The following FRMD4A variants were observed in gnomAD, a reference collection of about 807,000 sequenced individuals.
FRMD4A encodes FERM domain containing 4A, also known as FERM domain-containing protein 4A.
A neutral mutation model predicts 129.1 loss-of-function variants in FRMD4A; 29 were observed. The ratio of observed to expected loss-of-function variants is 0.22; its 90% CI spans 0.17 to 0.31. FRMD4A has a LOEUF of 0.31. Ranked by LOEUF, FRMD4A falls within the 10% of genes least tolerant of loss-of-function variation. The pLI, the probability that FRMD4A is intolerant of heterozygous loss-of-function variation, is 1.00. For synonymous variants in FRMD4A, 634 were observed against 571.6 expected (o/e 1.11, Z -1.56); for missense variants, 1,272 against 1,375.8 (o/e 0.92, Z 1.19).
chr10:13,652,585 TG>T (rs1222151955), intron 23 of FRMD4A: 1 of 153,496 alleles, frequency 6.5e-6, no homozygotes, highest in Admixed American at 6.5e-5. Flanking sequence ...AGGTGAGAGC[TG>T]GGGTGTGGGT....
At chr10:13,983,532 T>A (rs1293581610) in intron 2 of FRMD4A, among the ~76,000 whole-genome samples, 3 of 152,120 alleles carry the variant, frequency 2.0e-5, no homozygotes, top group African/African-American at 7.2e-5. Flanking sequence ...TGTTTCTGGG[T>A]AGTATAATTT....
At chr10:13,971,425 G>T (rs1287905577) in intron 2 of FRMD4A, among the ~76,000 whole-genome samples, 1 of 152,152 alleles carries the variant, frequency 6.6e-6, no homozygotes, top group African/African-American at 2.4e-5. Flanking sequence ...CCTCGATCCG[G>T]TGGCTTTGAA....
intron 5 of FRMD4A, 152 bp downstream of exon 5, chr10:13,796,344 A>G (rs1316360926): frequency 9.0e-5 from 56 of 622,184 alleles, no homozygotes; most frequent in Non-Finnish European, 8.8e-5. Context: ...CCGCCTTTCC[A>G]TCTATGAGGC....
At chr10:14,102,056 A>G (rs1277913294) in intron 2 of FRMD4A, among the ~76,000 whole-genome samples, 1 of 152,232 alleles carries the variant, frequency 6.6e-6, no homozygotes, top group Admixed American at 6.5e-5. Flanking sequence ...CACCCAGTTA[A>G]GTACCTTTTG....
At chr10:13,696,126 T>C (rs1316760291) in intron 14 of FRMD4A, among the ~76,000 whole-genome samples, 2 of 152,216 alleles carry the variant, frequency 1.3e-5, no homozygotes, top group Non-Finnish European at 1.5e-5. Context: ...TGAAGTCGAC[T>C]TCCTCAGGCG....
At position 13,856,951 on chromosome 10, in the gene FRMD4A, C is replaced by A. The variant is rs549976525; in HGVS notation, c.111+1896G>T. Among the ~76,000 whole-genome samples the A allele has an allele frequency of 2.6e-5, 4 of 152,316 alleles. No individual in the cohort carries two copies. In the South Asian group the frequency reaches 8.3e-4, roughly 32 times the overall value. Reference sequence around the variant, plus strand: ...CCAGACCACTCGCCTATAAACTCTTCGCACTGAGTCTTGGCAATTTGAAGC... The same window carrying A: ...CCAGACCACTCGCCTATAAACTCTTAGCACTGAGTCTTGGCAATTTGAAGC... On this transcript the variant is annotated intron_variant, in intron 3 of 24. Coordinates refer to ENST00000357447, the MANE Select transcript of FRMD4A (RefSeq NM_018027.5).
chr10:13,886,852 T>C (rs1214661757), intron 2 of FRMD4A, among the ~76,000 whole-genome samples: 1 of 152,222 alleles, frequency 6.6e-6, no homozygotes, highest in East Asian at 1.9e-4. Context: ...GTGCTCAACA[T>C]GAGCAGCGAG....
At chr10:13,882,912 T>C (rs1405698141) in intron 2 of FRMD4A, among the ~76,000 whole-genome samples, 1 of 151,326 alleles carries the variant, frequency 6.6e-6, no homozygotes, top group Non-Finnish European at 1.5e-5. Context: ...CAAGCAATCC[T>C]CCCACCTCAG....
chr10:13,688,515 G>A (rs1273295764), intron 15 of FRMD4A, among the ~76,000 whole-genome samples: 1 of 151,844 alleles, frequency 6.6e-6, no homozygotes, highest in Non-Finnish European at 1.5e-5. Flanking sequence ...TGCACCTTGT[G>A]CACATGTACC....
chr10:14,220,783 C>T (rs201915382), intron 2 of FRMD4A, among the ~76,000 whole-genome samples: 1 of 141,652 alleles, frequency 7.1e-6, no homozygotes, highest in African/African-American at 2.6e-5. Context: ...GGCTGAGTTG[C>T]GTGTGTGTGT....
intron 4 of FRMD4A, among the ~76,000 whole-genome samples, chr10:13,804,945 T>C (rs1325824464): frequency 2.0e-5 from 3 of 152,146 alleles, no homozygotes; most frequent in Non-Finnish European, 4.4e-5. Context: ...TACAGTCTGC[T>C]GAAAGAAAAG....
At chr10:13,719,540 T>C (rs1483897475) in intron 12 of FRMD4A, among the ~76,000 whole-genome samples, 1 of 151,848 alleles carries the variant, frequency 6.6e-6, no homozygotes, top group Non-Finnish European at 1.5e-5. Context: ...GCAGGCAGAG[T>C]TGGGCACAGC....
intron 5 of FRMD4A, among the ~76,000 whole-genome samples, chr10:13,788,154 C>A (rs771619356): frequency 5.3e-5 from 8 of 152,114 alleles, no homozygotes; most frequent in Non-Finnish European, 1.0e-4. Context: ...ACTGCTGGTG[C>A]CAGGGTTAGC....
intron 2 of FRMD4A, among the ~76,000 whole-genome samples, chr10:14,297,777 C>G (rs528252825): frequency 3.9e-5 from 6 of 152,018 alleles, no homozygotes; most frequent in African/African-American, 1.4e-4. Context: ...CCCAGGTAAG[C>G]GGCTCTGGGA....
At chr10:14,208,617 T>C (rs1413857609) in intron 2 of FRMD4A, among the ~76,000 whole-genome samples, 1 of 151,874 alleles carries the variant, frequency 6.6e-6, no homozygotes, top group African/African-American at 2.4e-5. Context: ...CTGTCTGTGC[T>C]CCTGGTAGGC....
intron 5 of FRMD4A, among the ~76,000 whole-genome samples, chr10:13,785,811 C>A (rs1319420535): frequency 6.6e-6 from 1 of 151,706 alleles, no homozygotes; most frequent in Non-Finnish European, 1.5e-5. Flanking sequence ...GTGATGTTCC[C>A]CACCCTGTGT....
At chr10:14,252,483 A>T (rs1212129768) in intron 2 of FRMD4A, among the ~76,000 whole-genome samples, 2 of 152,208 alleles carry the variant, frequency 1.3e-5, no homozygotes, top group Non-Finnish European at 2.9e-5. Flanking sequence ...GATATTTCTG[A>T]AGAGCATAGG....
At chr10:13,922,327 G>A (rs2178284) in intron 2 of FRMD4A, among the ~76,000 whole-genome samples, 138,969 of 152,128 alleles carry the variant, frequency 0.91, 63,580 homozygotes, top group South Asian at 0.94. Flanking sequence ...AAGGTACTAC[G>A]TAAATAAAGA....
intron 2 of FRMD4A, among the ~76,000 whole-genome samples, chr10:14,222,167 A>C (rs1843283708): frequency 6.6e-6 from 1 of 152,204 alleles, no homozygotes; most frequent in Non-Finnish European, 1.5e-5. Flanking sequence ...CTGGCATGGA[A>C]AAATACAGGA....
Sources: gnomAD v4.1 joint callset for allele counts (sites outside exome capture counted in the v4.1 genomes callset) on GRCh38, gnomAD v4.1.1 for gene constraint, MANE v1.5 for transcripts, NCBI Gene and HGNC (gene_info 2026-07-23, HGNC 2026-07-21) for gene names.